Variants in CDH4 observed in about 807,000 individuals in gnomAD.
The protein encoded by CDH4 is cadherin 4, also known as cadherin-4.
In CDH4, 33 loss-of-function variants were observed where a neutral mutation model predicts 86.0. That is an observed-to-expected ratio of 0.38 (90% CI 0.29 to 0.51). The LOEUF is 0.51. Among genes scored for constraint, CDH4 ranks in the 20% least tolerant of loss-of-function variants. The probability of loss-of-function intolerance (pLI) is 0.86; values close to 1 mark genes in which losing one functional copy is unlikely to be tolerated. For synonymous variants in CDH4, 555 were observed against 549.4 expected, an observed-to-expected ratio of 1.01 and a Z score of -0.14; for missense variants, 1,114 against 1,307.4, an observed-to-expected ratio of 0.85 and a Z score of 2.28.
intron 2 of CDH4, among the ~76,000 whole-genome samples, chr20:61,618,330 T>A (rs1306353795): frequency 6.6e-6 from 1 of 152,062 alleles, no homozygotes; most frequent in East Asian, 1.9e-4. Context: ...CTGGGAGCGT[T>A]GTTTTTCAGG....
At chr20:61,629,524 G>C (rs2086864446) in intron 2 of CDH4, among the ~76,000 whole-genome samples, 2 of 152,216 alleles carry the variant, frequency 1.3e-5, no homozygotes, top group African/African-American at 4.8e-5. Flanking sequence ...TGGCACGTGT[G>C]GTTGGCTTTA....
intron 2 of CDH4, among the ~76,000 whole-genome samples, chr20:61,590,877 G>GCA (rs1555811632): frequency 1.4e-4 from 1 of 7,406 alleles, no homozygotes; most frequent in Non-Finnish European, 2.5e-4. Context: ...CTAAATCTAT[G>GCA]GGGGGGGGGG....
At position 61,801,806 on chromosome 20, in the gene CDH4, C is replaced by T. The variant is rs576596151; in HGVS notation, c.576+28624C>T. Among the ~76,000 whole-genome samples, 8 of 152,366 alleles carry T rather than the reference C, an allele frequency of 5.3e-5. No individual in the cohort carries two copies. In the South Asian group the frequency reaches 1.7e-3, roughly 32 times the overall value. On this transcript the variant is annotated intron_variant, in intron 4 of 15. Coordinates refer to ENST00000614565, the MANE Select transcript of CDH4 (RefSeq NM_001794.5). ...CTCCTCTGTAGTCAAAGCTCCCTCT[C>T]CTGCCCTCCATAAGGACCCTTCACA...
intron 2 of CDH4, among the ~76,000 whole-genome samples, chr20:61,572,480 G>A (rs762124401): frequency 1.3e-5 from 2 of 152,160 alleles, no homozygotes; most frequent in East Asian, 3.9e-4. Context: ...GGAAACGGCC[G>A]GCTGGGGTGA....
chr20:61,296,273 GT>G (rs2084352832), intron 2 of CDH4, among the ~76,000 whole-genome samples: 1 of 6,054 alleles, frequency 1.7e-4, no homozygotes, highest in Non-Finnish European at 1.0e-3. Flanking sequence ...GTGTGTGTGT[GT>G]GCGTGGGTGC....
chr20:61,667,697 C>T (rs2087342396), intron 2 of CDH4, among the ~76,000 whole-genome samples: 1 of 152,124 alleles, frequency 6.6e-6, no homozygotes, highest in Non-Finnish European at 1.5e-5. Context: ...CCCTGGGAGG[C>T]AATGGAAGGG....
chr20:61,448,173 C>T (rs116328689), intron 2 of CDH4, among the ~76,000 whole-genome samples: 6,198 of 152,316 alleles, frequency 0.041, 437 homozygotes, highest in African/African-American at 0.14. Context: ...TGGCTGGAAG[C>T]CAGTGCCCCA....
At chr20:61,845,183 C>T (rs572444666) in intron 5 of CDH4, among the ~76,000 whole-genome samples, 6 of 152,358 alleles carry the variant, frequency 3.9e-5, no homozygotes, top group African/African-American at 7.2e-5. Context: ...TCACCAGCTG[C>T]GATGCTCCCT....
chr20:61,408,141 C>G (rs964785771), intron 2 of CDH4, among the ~76,000 whole-genome samples: 10 of 152,142 alleles, frequency 6.6e-5, no homozygotes, highest in African/African-American at 2.4e-4. Context: ...TAGGACTGTC[C>G]CCTGCCTCTC....
chr20:61,800,243 G>A (rs1049974925), intron 4 of CDH4, among the ~76,000 whole-genome samples: 23 of 152,228 alleles, frequency 1.5e-4, no homozygotes, highest in African/African-American at 5.5e-4. Flanking sequence ...TCCCTCGAGT[G>A]CACACACGGT....
chr20:61,470,606 T>C (rs2085496558), intron 2 of CDH4, among the ~76,000 whole-genome samples: 1 of 152,162 alleles, frequency 6.6e-6, no homozygotes, highest in African/African-American at 2.4e-5. Context: ...TTCCTCATCA[T>C]GTTCCAGATC....
intron 3 of CDH4, 26 bp downstream of exon 3, chr20:61,743,815 G>C (rs754383349): frequency 6.5e-7 from 1 of 1,533,184 alleles, no homozygotes; most frequent in African/African-American, 1.4e-5. Context: ...CCGGGTCTGC[G>C]CTGGAGTTTA....
At chr20:61,600,783 T>C (rs1175574496) in intron 2 of CDH4, among the ~76,000 whole-genome samples, 1 of 151,758 alleles carries the variant, frequency 6.6e-6, no homozygotes, top group African/African-American at 2.4e-5. Context: ...CAAAGTGCTA[T>C]GTAAATAGTT....
At chr20:61,455,700 T>C (rs1477612396) in intron 2 of CDH4, among the ~76,000 whole-genome samples, 4 of 152,060 alleles carry the variant, frequency 2.6e-5, no homozygotes, top group Non-Finnish European at 5.9e-5. Flanking sequence ...CCCTAGACAT[T>C]GGAAAAACCC....
chr20:61,681,950 C>T lies in CDH4; in HGVS notation c.170-61613C>T, dbSNP rs1270247571. Among the ~76,000 whole-genome samples the T allele has an allele frequency of 1.3e-5, 2 of 152,348 alleles. No homozygotes were observed. The highest frequency in any genetic ancestry group is 1.9e-4 in the East Asian group (1 of 5,184). ...GAGCTGCCTGTGACCCCAGGGCAAT[C>T]TGGGTTGTCATTGCAGAAGGAAGCC... On this transcript the variant is annotated intron_variant, in intron 2 of 15. Coordinates refer to ENST00000614565, the MANE Select transcript of CDH4 (RefSeq NM_001794.5). The surrounding 1 kb of genome is among the most constrained non-coding windows in gnomAD (Gnocchi z 4.5).
At chr20:61,662,354 G>A (rs374640757) in intron 2 of CDH4, among the ~76,000 whole-genome samples, 2 of 152,240 alleles carry the variant, frequency 1.3e-5, no homozygotes, top group East Asian at 3.9e-4. Flanking sequence ...ACCTCTGTCA[G>A]GGCAAGTGTA....
intron 4 of CDH4, among the ~76,000 whole-genome samples, chr20:61,805,731 A>G (rs1980089393): frequency 6.6e-6 from 1 of 152,228 alleles, no homozygotes; most frequent in Non-Finnish European, 1.5e-5. Context: ...CTCATTGATC[A>G]TCCGTGGAAA....
At chr20:61,399,524 C>T (rs1368122642) in intron 2 of CDH4, among the ~76,000 whole-genome samples, 1 of 152,170 alleles carries the variant, frequency 6.6e-6, no homozygotes, top group East Asian at 1.9e-4. Context: ...GGCTCATCTC[C>T]CAGCTCCCTC....
Position 61,829,831 on chromosome 20 carries a change from C to G in CDH4, c.577-14837C>G, listed in dbSNP as rs1981509367. On this transcript the variant is annotated intron_variant, in intron 4 of 15. Transcript: ENST00000614565. This position sits in a 1 kb window ranked among gnomAD's most constrained non-coding sequence, Gnocchi z 4.2. ...CAGCCCTCCTCCAGACCCCAGTCCCCTTGGACCAGGGGCAAAGCTCATTTC... is the reference window on the plus strand; with the variant it reads ...CAGCCCTCCTCCAGACCCCAGTCCCGTTGGACCAGGGGCAAAGCTCATTTC... Among the ~76,000 whole-genome samples the G allele has an allele frequency of 6.6e-6, 1 of 152,066 alleles. No homozygotes were observed. The highest frequency in any genetic ancestry group is 2.1e-4 in the South Asian group (1 of 4,820).
Sources: allele counts gnomAD v4.1 joint callset (sites outside exome capture counted in the v4.1 genomes callset), GRCh38; gene constraint gnomAD v4.1.1; non-coding constraint Gnocchi (gnomAD v3.1); transcripts MANE v1.5; gene names NCBI Gene and HGNC (gene_info 2026-07-23, HGNC 2026-07-21).